The following RPS6KA2 variants were observed in gnomAD, a reference collection of about 807,000 sequenced individuals.
RPS6KA2 encodes ribosomal protein S6 kinase A2.
In RPS6KA2, 42 loss-of-function variants were observed where a neutral mutation model predicts 91.8. The observed-to-expected ratio is 0.46, with a 90% CI of 0.36 to 0.59. The LOEUF is 0.59. Among genes scored for constraint, RPS6KA2 ranks in the 20% least tolerant of loss-of-function variants. The probability of loss-of-function intolerance (pLI) is 0.00; values close to 1 mark genes in which losing one functional copy is unlikely to be tolerated. For synonymous variants in RPS6KA2, 414 were observed against 393.6 expected (o/e 1.05, Z -0.61); for missense variants, 798 against 978.5 (o/e 0.82, Z 2.46).
chr6:166,498,286 G>A (rs1583208790), intron 8 of RPS6KA2, among the ~76,000 whole-genome samples: 3 of 152,232 alleles, frequency 2.0e-5, no homozygotes, highest in East Asian at 1.9e-4. Context: ...CCACGTCTGC[G>A]TTTCTGCGTT....
chr6:166,617,731 C>T (rs1786467621), intron 1 of RPS6KA2, among the ~76,000 whole-genome samples: 1 of 152,202 alleles, frequency 6.6e-6, no homozygotes, highest in African/African-American at 2.4e-5. Flanking sequence ...AAATGACCTC[C>T]AAGGACTTTG....
intron 10 of RPS6KA2, among the ~76,000 whole-genome samples, chr6:166,476,160 A>G (rs1780966035): frequency 6.6e-6 from 1 of 152,146 alleles, no homozygotes; most frequent in African/African-American, 2.4e-5. Context: ...CCACATGGAG[A>G]TGGAGGCGGA....
intron 1 of RPS6KA2, among the ~76,000 whole-genome samples, chr6:166,604,888 G>A (rs1583319155): frequency 6.6e-6 from 1 of 152,128 alleles, no homozygotes; most frequent in Non-Finnish European, 1.5e-5. Flanking sequence ...ATATAGGGAT[G>A]TGAAAGTTCT....
intron 3 of RPS6KA2, among the ~76,000 whole-genome samples, chr6:166,530,944 G>A (rs542093549): frequency 4.9e-4 from 75 of 152,384 alleles, no homozygotes; most frequent in African/African-American, 1.7e-3. Flanking sequence ...CAGCCTGCTC[G>A]CAGCCTGCTG....
In RPS6KA2 at chr6:166,508,571, A is replaced by G. The variant is rs1048229214; in HGVS notation, c.380-289T>C. ...TTTAATCACAAAGGAATTGAAAGAT[A>G]CACGGGGAGAAAGATGTGAATATTT... On this transcript the variant is annotated intron_variant, in intron 4 of 20. Transcript: ENST00000265678. The surrounding 1 kb of genome is among the most constrained non-coding windows in gnomAD (Gnocchi z 4.3). Among the ~76,000 whole-genome samples, 79 of 152,202 alleles carry G rather than the reference A, an allele frequency of 5.2e-4. No individual in the cohort carries two copies. The highest frequency in any genetic ancestry group is 1.8e-3 in the African/African-American group (75 of 41,446).
At chr6:166,797,623 G>T (rs1583130621) in intron 2 of RPS6KA2, among the ~76,000 whole-genome samples, 1 of 152,018 alleles carries the variant, frequency 6.6e-6, no homozygotes, top group Non-Finnish European at 1.5e-5. Flanking sequence ...CCTCATACAG[G>T]TCTTCATCCT....
intron 1 of RPS6KA2, among the ~76,000 whole-genome samples, chr6:166,590,915 C>A (rs143218917): frequency 6.6e-6 from 1 of 152,250 alleles, no homozygotes; most frequent in South Asian, 2.1e-4. Flanking sequence ...TTAAAACCAA[C>A]CCACACAAAC....
At chr6:166,422,382 G>A (rs60789228) in intron 17 of RPS6KA2, among the ~76,000 whole-genome samples, 18,382 of 152,114 alleles carry the variant, frequency 0.12, 3,491 homozygotes, top group African/African-American at 0.41. Flanking sequence ...AAGACCCACA[G>A]TGAGATGCCA....
chr6:166,527,111 C>T (rs1783078882), intron 3 of RPS6KA2, among the ~76,000 whole-genome samples: 1 of 152,182 alleles, frequency 6.6e-6, no homozygotes, highest in African/African-American at 2.4e-5. Flanking sequence ...CAAGGTCAGC[C>T]CTGAGGGAGT....
rs77872566 is a variant in RPS6KA2, at chr6:166,710,006, C to A, written c.123+148194G>T. Among the ~76,000 whole-genome samples, 7 of 152,298 alleles carry A rather than the reference C, an allele frequency of 4.6e-5. No homozygotes were observed. In the East Asian group the frequency reaches 1.4e-3, roughly 29 times the overall value. On this transcript the variant is annotated intron_variant, in intron 2 of 21. Coordinates refer to the RPS6KA2 transcript ENST00000503859. ...TTCTATTATCGAACCAGAATCTTCA[C>A]TCTGAAGTACTATTCAAAATCCTGA...
chr6:166,533,194 C>T lies in RPS6KA2; in HGVS notation c.217-1881G>A, dbSNP rs1783352308. Reference sequence around the variant, plus strand: ...TCTGCTTTGAATCACGGGAAAGTCACATGCCATGCACAGTTTTAGCTTCCA... The same window carrying T: ...TCTGCTTTGAATCACGGGAAAGTCATATGCCATGCACAGTTTTAGCTTCCA... On this transcript the variant is annotated intron_variant, in intron 2 of 20. Transcript: ENST00000265678. The surrounding 1 kb of genome is among the most constrained non-coding windows in gnomAD (Gnocchi z 4.0). 6.6e-6 allele frequency among the ~76,000 whole-genome samples: 1 copy of T among 152,242 alleles called. No homozygotes were observed. Among genetic ancestry groups the T allele is most frequent in the Non-Finnish European group, 1.5e-5 (1 of 68,038 alleles).
At chr6:166,815,528 A>G (rs917330217) in intron 2 of RPS6KA2, among the ~76,000 whole-genome samples, 1 of 150,668 alleles carries the variant, frequency 6.6e-6, no homozygotes, top group Admixed American at 6.6e-5. Flanking sequence ...AAATCATATC[A>G]TCTGGCCTGT....
chr6:166,732,787 G>A lies in RPS6KA2; in HGVS notation c.123+125413C>T, dbSNP rs180737322. Among the ~76,000 whole-genome samples the A allele has an allele frequency of 2.5e-3, 386 of 152,252 alleles. 3 individuals are homozygous for A. The highest frequency in any genetic ancestry group is 9.0e-3 in the African/African-American group (372 of 41,502). On this transcript the variant is annotated intron_variant, in intron 2 of 21. Coordinates refer to the RPS6KA2 transcript ENST00000503859. The surrounding 1 kb of genome is among the most constrained non-coding windows in gnomAD (Gnocchi z 4.0). ...CTTCCTACCAGAGGTGATGACAGGGGGATGACAGGGGGAGCTGTGAAGGCC... is the reference window on the plus strand; with the variant it reads ...CTTCCTACCAGAGGTGATGACAGGGAGATGACAGGGGGAGCTGTGAAGGCC...
At chr6:166,476,651 G>A (rs1165030054) in intron 10 of RPS6KA2, among the ~76,000 whole-genome samples, 1 of 152,046 alleles carries the variant, frequency 6.6e-6, no homozygotes, top group Non-Finnish European at 1.5e-5. Flanking sequence ...GGCAGAGAGG[G>A]TCCCCTCTCT....
intron 1 of RPS6KA2, among the ~76,000 whole-genome samples, chr6:166,607,431 T>C (rs191318301): frequency 2.3e-4 from 35 of 152,320 alleles, no homozygotes; most frequent in Non-Finnish European, 2.9e-5. Context: ...AGTATATCCA[T>C]GCAGTGGAAT....
At chr6:166,799,671 G>C (rs1426057778) in intron 2 of RPS6KA2, among the ~76,000 whole-genome samples, 1 of 151,966 alleles carries the variant, frequency 6.6e-6, no homozygotes, top group Non-Finnish European at 1.5e-5. Flanking sequence ...CTTAAGAGTT[G>C]TGCGAGAGTT....
At chr6:166,548,300 T>TA (rs1352879512) in intron 1 of RPS6KA2, among the ~76,000 whole-genome samples, 3 of 152,228 alleles carry the variant, frequency 2.0e-5, no homozygotes, top group Admixed American at 6.5e-5. Context: ...CCTGTAGGTA[T>TA]AATCTCCCAT....
intron 14 of RPS6KA2, among the ~76,000 whole-genome samples, chr6:166,440,936 G>C (rs61129869): frequency 1.3e-5 from 2 of 152,168 alleles, no homozygotes; most frequent in African/African-American, 4.8e-5. Flanking sequence ...TGTGTGTTTC[G>C]AGGAGATACA....
At chr6:166,714,019 T>C (rs1789943123) in intron 2 of RPS6KA2, among the ~76,000 whole-genome samples, 1 of 152,230 alleles carries the variant, frequency 6.6e-6, no homozygotes, top group Non-Finnish European at 1.5e-5. Flanking sequence ...CCTATGGGTT[T>C]ATGCCAACAG....
Sources: gnomAD v4.1 joint callset for allele counts (sites outside exome capture counted in the v4.1 genomes callset) on GRCh38, gnomAD v4.1.1 for gene constraint, Gnocchi (gnomAD v3.1) non-coding constraint, MANE v1.5 for transcripts, NCBI Gene and HGNC (gene_info 2026-07-23, HGNC 2026-07-21) for gene names.